PHIP: variants seen among roughly 807,000 people sequenced by gnomAD.
The protein encoded by PHIP is PHIP subunit of CUL4-Ring ligase complex.
In PHIP, 54 loss-of-function variants were observed where a neutral mutation model predicts 236.8. That is an observed-to-expected ratio of 0.23 (90% CI 0.18 to 0.29). The LOEUF (loss-of-function observed/expected upper bound fraction) is 0.29, where lower values mean the gene tolerates loss of function less well. Ranked by LOEUF, PHIP falls within the 10% of genes least tolerant of loss-of-function variation. The pLI, the probability that PHIP is intolerant of heterozygous loss-of-function variation, is 1.00. For synonymous variants in PHIP, 756 were observed against 718.9 expected (o/e 1.05, Z -0.83); for missense variants, 1,370 against 2,190.8 (o/e 0.63, Z 7.48).
chr6:79,044,603 A>G (rs113918260), intron 6 of PHIP, among the ~76,000 whole-genome samples: 3,337 of 152,290 alleles, frequency 0.022, 119 homozygotes, highest in African/African-American at 0.076. Flanking sequence ...TAAGAAAATA[A>G]GTGATGACAT....
intron 7 of PHIP, among the ~76,000 whole-genome samples, chr6:79,028,082 T>C (rs1264081581): frequency 6.6e-6 from 1 of 152,132 alleles, no homozygotes; most frequent in Non-Finnish European, 1.5e-5. Flanking sequence ...GACTATAAAG[T>C]ATGGTCAAAA....
At chr6:79,064,524 T>A (rs1562220820) in intron 4 of PHIP, among the ~76,000 whole-genome samples, 2 of 152,206 alleles carry the variant, frequency 1.3e-5, no homozygotes. Flanking sequence ...CACCTTCAAT[T>A]ATCAATAACT....
intron 15 of PHIP, 64 bp downstream of exon 15, chr6:79,015,018 G>C: frequency 7.5e-7 from 1 of 1,331,258 alleles, no homozygotes; most frequent in South Asian, 1.3e-5. Flanking sequence ...GTGACATGCA[G>C]AGTACCTTTG....
At chr6:79,028,345 A>C (rs1771505799) in intron 7 of PHIP, among the ~76,000 whole-genome samples, 1 of 152,160 alleles carries the variant, frequency 6.6e-6, no homozygotes, top group Non-Finnish European at 1.5e-5. Flanking sequence ...CAGAAAGGAG[A>C]CCAGCTGAAA....
At chr6:79,039,083 T>C (rs57576187) in intron 7 of PHIP, among the ~76,000 whole-genome samples, 72 of 152,312 alleles carry the variant, frequency 4.7e-4, no homozygotes, top group African/African-American at 1.2e-3. Flanking sequence ...TCTCTGTATA[T>C]AGAGTTAGTT....
intron 25 of PHIP, among the ~76,000 whole-genome samples, 176 bp from the exon 26 acceptor site, chr6:78,970,349 A>G (rs1463098519): frequency 6.6e-6 from 1 of 152,128 alleles, no homozygotes; most frequent in Non-Finnish European, 1.5e-5. Context: ...TATAGTATGC[A>G]AGTTACAATG....
intron 31 of PHIP, among the ~76,000 whole-genome samples, chr6:78,959,610 T>C (rs966354040): frequency 6.6e-5 from 10 of 152,162 alleles, no homozygotes; most frequent in Non-Finnish European, 1.2e-4. Flanking sequence ...ATGTAATACA[T>C]TGAAGTCATC....
intron 19 of PHIP, among the ~76,000 whole-genome samples, chr6:78,997,035 A>G (rs1347576079): frequency 1.3e-5 from 2 of 151,310 alleles, no homozygotes; most frequent in Middle Eastern, 3.4e-3. Flanking sequence ...TTGCATCTGA[A>G]TATCATGTGA....
intron 35 of PHIP, among the ~76,000 whole-genome samples, chr6:78,948,229 A>C (rs1773934966): frequency 6.6e-6 from 1 of 152,154 alleles, no homozygotes; most frequent in Middle Eastern, 3.2e-3. Flanking sequence ...CAGACACCTA[A>C]GTTCTAGTAA....
chr6:78,940,558 T>TTTTTC lies in PHIP; in HGVS notation c.*134_*135insGAAAA, dbSNP rs1773445976. ...GTGTCTCGTAAGTTTGTTTTTTTTT[T>TTTTTC]TTTTTTTTTTTTTGCAAATCAAATC... is the stretch of plus-strand genomic sequence containing the variant. On this transcript the variant is annotated 3_prime_UTR_variant, in exon 40 of 40. Coordinates refer to ENST00000275034, the MANE Select transcript of PHIP (RefSeq NM_017934.7). The TTTTTC allele has an allele frequency of 5.6e-6, 1 of 179,850 alleles. No homozygotes were observed. The highest frequency in any genetic ancestry group is 2.5e-5 in the African/African-American group (1 of 39,650). The allele number at this position is 179,850 out of a possible 1,614,324, so 11.1% of individuals were successfully genotyped here.
At chr6:79,030,264 A>G (rs530516293) in intron 7 of PHIP, among the ~76,000 whole-genome samples, 1 of 152,296 alleles carries the variant, frequency 6.6e-6, no homozygotes, top group African/African-American at 2.4e-5. Flanking sequence ...AAAGGTGGAA[A>G]AATTCTGCAA....
At chr6:79,046,352 C>T (rs1418125140) in intron 6 of PHIP, among the ~76,000 whole-genome samples, 3 of 152,130 alleles carry the variant, frequency 2.0e-5, no homozygotes, top group Admixed American at 6.6e-5. Flanking sequence ...CAACACAGCC[C>T]CTGCCATCAC....
intron 35 of PHIP, among the ~76,000 whole-genome samples, chr6:78,952,614 C>T (rs1039966054): frequency 1.3e-5 from 2 of 151,980 alleles, no homozygotes; most frequent in Non-Finnish European, 2.9e-5. Context: ...CTTTATCATT[C>T]TGTGTGGGAT....
Position 78,940,348 on chromosome 6 carries a change from G to A in PHIP, c.*345C>T, listed in dbSNP as rs1773425951. ...TAGGAATATTATGCTCCTAAAGAGT[G>A]TAGCAGAATTGTCTTTTCTATAAAT... On this transcript the variant is annotated 3_prime_UTR_variant, in exon 40 of 40. Coordinates refer to ENST00000275034, the MANE Select transcript of PHIP (RefSeq NM_017934.7). 2 of 151,708 alleles carry A rather than the reference G, an allele frequency of 1.3e-5. No individual in the cohort carries two copies. The highest frequency in any genetic ancestry group is 4.8e-5 in the African/African-American group (2 of 41,334). 9.4% of individuals were successfully genotyped at this position (151,708 alleles called of 1,614,324 possible).
intron 7 of PHIP, among the ~76,000 whole-genome samples, chr6:79,037,788 T>G (rs953735112): frequency 1.3e-5 from 2 of 152,222 alleles, no homozygotes; most frequent in African/African-American, 4.8e-5. Flanking sequence ...CATTAGTCAT[T>G]TTTATATCTC....
chr6:78,950,786 G>T (rs776173525), intron 35 of PHIP, among the ~76,000 whole-genome samples: 3 of 151,940 alleles, frequency 2.0e-5, no homozygotes, highest in Non-Finnish European at 4.4e-5. Context: ...TCTTCTCAAA[G>T]AACCCAGCTT....
At chr6:79,063,661 C>A (rs968194379) in intron 4 of PHIP, among the ~76,000 whole-genome samples, 1 of 152,148 alleles carries the variant, frequency 6.6e-6, no homozygotes, top group African/African-American at 2.4e-5. Context: ...AAGTAATTCG[C>A]CCCCTAGGCC....
At chr6:79,049,281 C>G (rs926983923) in intron 6 of PHIP, among the ~76,000 whole-genome samples, 1 of 151,950 alleles carries the variant, frequency 6.6e-6, no homozygotes, top group East Asian at 1.9e-4. Context: ...AGGCTGGTCT[C>G]GAACTCCCAG....
At chr6:79,043,120 T>C in intron 6 of PHIP, 117 bp from the exon 7 acceptor site, 1 of 764,696 alleles carries the variant, frequency 1.3e-6, no homozygotes. Context: ...AAAGAAGCTT[T>C]CTGATATATA....
Sources: gnomAD v4.1 joint callset for allele counts (sites outside exome capture counted in the v4.1 genomes callset) on GRCh38, gnomAD v4.1.1 for gene constraint, MANE v1.5 for transcripts, NCBI Gene and HGNC (gene_info 2026-07-23, HGNC 2026-07-21) for gene names.